Variants in PDLIM5 observed in about 807,000 individuals in gnomAD.
PDLIM5 encodes the protein PDZ and LIM domain 5, also known as PDZ and LIM domain protein 5.
PDLIM5 carries 34 observed loss-of-function variants against 64.2 expected under a neutral mutation model. The ratio of observed to expected loss-of-function variants is 0.53; its 90% CI spans 0.40 to 0.71. The LOEUF (loss-of-function observed/expected upper bound fraction) is 0.71. Among genes scored for constraint, PDLIM5 ranks in the 30% least tolerant of loss-of-function variants. PDLIM5 has a pLI of 0.00. For synonymous variants in PDLIM5, 253 were observed against 269.1 expected (o/e 0.94, Z 0.59); for missense variants, 683 against 733.6 (o/e 0.93, Z 0.80).
At chr4:94,490,563 A>C (rs999722978) in intron 2 of PDLIM5, among the ~76,000 whole-genome samples, 1 of 152,152 alleles carries the variant, frequency 6.6e-6, no homozygotes, top group African/African-American at 2.4e-5. Flanking sequence ...TATTTCATGT[A>C]TTCTCATTTT....
At chr4:94,652,142 T>C (rs1432267101) in intron 9 of PDLIM5, among the ~76,000 whole-genome samples, 1 of 152,254 alleles carries the variant, frequency 6.6e-6, no homozygotes, top group Non-Finnish European at 1.5e-5. Context: ...CTTTTCATTT[T>C]GTTCCAGGTA....
chr4:94,542,516 T>C (rs1731909693), intron 3 of PDLIM5, among the ~76,000 whole-genome samples: 1 of 152,182 alleles, frequency 6.6e-6, no homozygotes, highest in African/African-American at 2.4e-5. Flanking sequence ...ACATCTTACC[T>C]TCTAGGTAAG....
rs1742998830 is a variant in PDLIM5, at chr4:94,664,940, A to AT, written c.*879dup. ...CATTCTAGTAGGAAAGGACAATAAG[A>AT]TTTTTTATCAAAATGTGTCATGCCA... is the stretch of plus-strand genomic sequence containing the variant. On this transcript the variant is annotated 3_prime_UTR_variant, in exon 13 of 13. Transcript: ENST00000317968. 1 of 982,066 alleles carries AT rather than the reference A, an allele frequency of 1.0e-6. No individual in the cohort carries two copies. Among genetic ancestry groups the AT allele is most frequent in the Admixed American group, 6.2e-5 (1 of 16,246 alleles). 60.8% of individuals were successfully genotyped at this position (982,066 alleles called of 1,614,324 possible).
intron 3 of PDLIM5, among the ~76,000 whole-genome samples, chr4:94,525,070 A>G (rs1560677173): frequency 6.6e-6 from 1 of 152,166 alleles, no homozygotes; most frequent in Non-Finnish European, 1.5e-5. Flanking sequence ...CCATAATTAT[A>G]TTGCATATAA....
chr4:94,467,314 GTTT>G (rs1173951811), intron 2 of PDLIM5, among the ~76,000 whole-genome samples: 1 of 138,048 alleles, frequency 7.2e-6, no homozygotes. Flanking sequence ...ACTGAGGAAA[GTTT>G]TTTTTTTTTT....
At chr4:94,551,293 C>T (rs1369671104) in intron 3 of PDLIM5, among the ~76,000 whole-genome samples, 1 of 152,062 alleles carries the variant, frequency 6.6e-6, no homozygotes, top group Non-Finnish European at 1.5e-5. Flanking sequence ...GCCAATAGTG[C>T]TGCCAAAGGC....
At chr4:94,470,554 G>A (rs1158272923) in intron 2 of PDLIM5, among the ~76,000 whole-genome samples, 3 of 152,154 alleles carry the variant, frequency 2.0e-5, no homozygotes, top group South Asian at 2.1e-4. Context: ...TATACCCAAT[G>A]CCAAGAGTTA....
At chr4:94,662,569 G>GT in intron 12 of PDLIM5, 32 bp downstream of exon 12, 1 of 981,192 alleles carries the variant, frequency 1.0e-6, no homozygotes, top group Admixed American at 1.7e-5. Context: ...AATTAAAGGG[G>GT]TATAGTATGG....
At chr4:94,620,234 T>C (rs911509922) in intron 8 of PDLIM5, among the ~76,000 whole-genome samples, 2 of 152,188 alleles carry the variant, frequency 1.3e-5, no homozygotes, top group Admixed American at 1.3e-4. Flanking sequence ...GAATGCTGAT[T>C]GAGTACCCAA....
At chr4:94,613,794 T>G (rs890834895) in intron 7 of PDLIM5, among the ~76,000 whole-genome samples, 3 of 1,600 alleles carry the variant, frequency 1.9e-3, no homozygotes, top group African/African-American at 9.0e-3. Flanking sequence ...ATAATTTAAA[T>G]TTAGAAAATA....
intron 2 of PDLIM5, among the ~76,000 whole-genome samples, chr4:94,508,352 G>T (rs905272664): frequency 6.6e-6 from 1 of 152,084 alleles, no homozygotes; most frequent in Non-Finnish European, 1.5e-5. Context: ...TGTGAAAAAA[G>T]GTACAGGAAA....
At position 94,465,184 on chromosome 4, in the gene PDLIM5, A is replaced by G. The variant is rs187546264; in HGVS notation, c.96+9800A>G. ...TCCCTAAAGCCCTATCTCTTCCTCT[A>G]GGAACATTCATGTATCCTTTGCTCT... On this transcript the variant is annotated intron_variant, in intron 2 of 12. Coordinates refer to ENST00000317968, the MANE Select transcript of PDLIM5 (RefSeq NM_006457.5). Among the ~76,000 whole-genome samples the G allele has an allele frequency of 5.9e-5, 9 of 152,216 alleles. No individual in the cohort carries two copies. In the East Asian group the frequency reaches 1.7e-3, roughly 29 times the overall value.
chr4:94,463,435 G>A (rs1181329404), intron 2 of PDLIM5, among the ~76,000 whole-genome samples: 1 of 151,896 alleles, frequency 6.6e-6, no homozygotes. Flanking sequence ...AATAAAATAA[G>A]CTAGAGAAAA....
rs368630474 is a variant in PDLIM5 at position 94,575,846 on chromosome 4, C to T, written c.522C>T (p.Phe174=). Residue 174 remains phenylalanine, a synonymous_variant, in exon 5 of 13, where the codon TTC becomes TTT. Transcript: ENST00000317968. The part of the protein sequence containing the change: ...SPVAAVTPPL[F]AASGLHANAN... ...TGGCTGCCGTCACTCCTCCCCTGTT[C>T]GCTGCATCTGGACTGCATGCTAATG... 7.4e-6 allele frequency: 12 copies of T among 1,614,042 alleles called. No individual in the cohort carries two copies. The East Asian group carries it at 1.3e-4, about 18-fold the overall frequency.
chr4:94,530,060 T>C (rs1411619181), intron 3 of PDLIM5, among the ~76,000 whole-genome samples: 1 of 152,192 alleles, frequency 6.6e-6, no homozygotes, highest in East Asian at 1.9e-4. Flanking sequence ...GTTCCATTTA[T>C]TTCAGTAGTT....
chr4:94,643,429 T>C (rs1439889574), intron 9 of PDLIM5, among the ~76,000 whole-genome samples: 1 of 152,178 alleles, frequency 6.6e-6, no homozygotes, highest in Non-Finnish European at 1.5e-5. Context: ...GCTAGGATAA[T>C]AGAGAATCAT....
At chr4:94,479,504 T>A (rs191258923) in intron 2 of PDLIM5, among the ~76,000 whole-genome samples, 10 of 151,872 alleles carry the variant, frequency 6.6e-5, no homozygotes, top group Middle Eastern at 3.4e-3. Context: ...ATTTTTATTT[T>A]TTTTTTTGTA....
At chr4:94,510,037 T>C (rs1394062560) in intron 2 of PDLIM5, among the ~76,000 whole-genome samples, 1 of 152,192 alleles carries the variant, frequency 6.6e-6, no homozygotes, top group Non-Finnish European at 1.5e-5. Context: ...CATCAGCATC[T>C]GGCACTTATG....
At chr4:94,455,090 C>T (rs186832642) in intron 1 of PDLIM5, among the ~76,000 whole-genome samples, 157 bp from the exon 2 acceptor site, 4 of 152,270 alleles carry the variant, frequency 2.6e-5, no homozygotes, top group Admixed American at 1.3e-4. Context: ...TTTATATTAG[C>T]TCACAGATTG....
Sources: gnomAD v4.1 joint callset for allele counts (sites outside exome capture counted in the v4.1 genomes callset) on GRCh38, gnomAD v4.1.1 for gene constraint, MANE v1.5 for transcripts, NCBI Gene and HGNC (gene_info 2026-07-23, HGNC 2026-07-21) for gene names.